CDC73: variants seen among roughly 807,000 people sequenced by gnomAD.
CDC73 encodes cell division cycle 73.
CDC73 carries 21 observed loss-of-function variants against 83.7 expected under a neutral mutation model. The observed-to-expected ratio is 0.25, with a 90% CI of 0.18 to 0.36. CDC73 has a LOEUF of 0.36. Ranked by LOEUF, CDC73 falls within the 10% of genes least tolerant of loss-of-function variation. The probability of loss-of-function intolerance (pLI) is 1.00; values close to 1 mark genes in which losing one functional copy is unlikely to be tolerated. For missense variants in CDC73, 342 were observed against 653.3 expected, an observed-to-expected ratio of 0.52 and a Z score of 5.19; for synonymous variants, 224 against 212.9, an observed-to-expected ratio of 1.05 and a Z score of -0.45.
At chr1:193,229,481 T>C (rs1046475585) in intron 13 of CDC73, among the ~76,000 whole-genome samples, 1 of 152,228 alleles carries the variant, frequency 6.6e-6, no homozygotes, top group African/African-American at 2.4e-5. Context: ...CCTTCTGTGA[T>C]AGGAGGACGC....
intron 10 of CDC73, 108 bp from the exon 11 acceptor site, chr1:193,203,687 G>A: frequency 2.1e-6 from 2 of 940,414 alleles, no homozygotes; most frequent in South Asian, 1.4e-5. Context: ...AACTGAGTGA[G>A]AAAAACAGAA....
At chr1:193,220,543 G>T (rs1677451818) in intron 13 of CDC73, among the ~76,000 whole-genome samples, 1 of 152,128 alleles carries the variant, frequency 6.6e-6, no homozygotes, top group Admixed American at 6.5e-5. Flanking sequence ...AATATATGTG[G>T]ATTTCAGGTT....
Position 193,157,817 on chromosome 1 carries a change from T to G in CDC73, c.972+5373T>G, listed in dbSNP as rs547807304. On this transcript the variant is annotated intron_variant, in intron 10 of 16. Coordinates refer to ENST00000367435, the MANE Select transcript of CDC73 (RefSeq NM_024529.5). ...TTTGAAGTCAGTGCTGGCTTTGATT[T>G]TCAGTTCTACCATTCATTCTCCTGC... Among the ~76,000 whole-genome samples, 3 of 152,288 alleles carry G rather than the reference T, an allele frequency of 2.0e-5. No homozygotes were observed. In the South Asian group the frequency reaches 6.2e-4, roughly 32 times the overall value.
intron 11 of CDC73, among the ~76,000 whole-genome samples, chr1:193,210,457 TTA>T (rs1677260175): frequency 6.6e-6 from 1 of 152,236 alleles, no homozygotes; most frequent in African/African-American, 2.4e-5. Flanking sequence ...GCACATTGAG[TTA>T]TTGTATGGTC....
At chr1:193,204,280 TA>T (rs1163412162) in intron 11 of CDC73, among the ~76,000 whole-genome samples, 2 of 140,132 alleles carry the variant, frequency 1.4e-5, no homozygotes, top group African/African-American at 5.3e-5. Context: ...TGTGTGTGTA[TA>T]TATATATTTT....
chr1:193,204,435 G>A (rs1057035982), intron 11 of CDC73, among the ~76,000 whole-genome samples: 3 of 150,942 alleles, frequency 2.0e-5, no homozygotes, highest in African/African-American at 7.3e-5. Flanking sequence ...GACTACAGGC[G>A]CCTGCCACCA....
At chr1:193,214,073 T>A (rs1677320652) in intron 13 of CDC73, among the ~76,000 whole-genome samples, 1 of 152,210 alleles carries the variant, frequency 6.6e-6, no homozygotes, top group South Asian at 2.1e-4. Flanking sequence ...ATGTGACTCT[T>A]CTGTGGCTCT....
intron 15 of CDC73, chr1:193,237,063 C>G (rs1331248158): frequency 6.6e-6 from 1 of 151,330 alleles, no homozygotes; most frequent in Non-Finnish European, 1.5e-5. Flanking sequence ...CCTGCCTCAA[C>G]CTCCTGAGTA....
intron 15 of CDC73, among the ~76,000 whole-genome samples, chr1:193,238,689 C>A (rs1020427170): frequency 1.3e-5 from 2 of 152,020 alleles, no homozygotes; most frequent in Non-Finnish European, 2.9e-5. Context: ...CATAAACAGT[C>A]GATTAACAAA....
At chr1:193,136,225 T>A (rs1675797597) in intron 5 of CDC73, among the ~76,000 whole-genome samples, 1 of 152,210 alleles carries the variant, frequency 6.6e-6, no homozygotes, top group Non-Finnish European at 1.5e-5. Flanking sequence ...CAGATGTGGC[T>A]ATGTTTCTAT....
chr1:193,160,593 T>C (rs1676291458), intron 10 of CDC73, among the ~76,000 whole-genome samples: 4 of 152,038 alleles, frequency 2.6e-5, no homozygotes, highest in Admixed American at 6.5e-5. Flanking sequence ...TCAGTGTAAC[T>C]TTAATTCAAT....
Position 193,253,165 on chromosome 1 carries a change from C to T in CDC73, c.*2453C>T, listed in dbSNP as rs1242933551. The T allele has an allele frequency of 4.3e-6, 1 of 232,284 alleles. No homozygotes were observed. The highest frequency in any genetic ancestry group is 8.5e-6 in the Non-Finnish European group (1 of 117,498). The allele number at this position is 232,284 out of a possible 1,614,324, so 14.4% of individuals were successfully genotyped here. On this transcript the variant is annotated 3_prime_UTR_variant, in exon 17 of 17. Transcript: ENST00000367435. The stretch of plus-strand genomic sequence containing the variant: ...GTAGGTTTCAATCAGTTGCTCTCAA[C>T]CCTGACTGCATTTTAGAATCATTTG...
At chr1:193,143,832 G>A (rs1675947364) in intron 7 of CDC73, among the ~76,000 whole-genome samples, 1 of 152,066 alleles carries the variant, frequency 6.6e-6, no homozygotes, top group African/African-American at 2.4e-5. Flanking sequence ...ATGAGAGGCT[G>A]GGTGCAGCGG....
intron 3 of CDC73, among the ~76,000 whole-genome samples, chr1:193,131,170 C>T (rs913264075): frequency 6.6e-6 from 1 of 152,078 alleles, no homozygotes; most frequent in African/African-American, 2.4e-5. Context: ...TGAAATTTAA[C>T]ACTGAAAATG....
intron 10 of CDC73, among the ~76,000 whole-genome samples, chr1:193,198,976 A>C (rs1677045627): frequency 6.6e-6 from 1 of 152,180 alleles, no homozygotes; most frequent in Admixed American, 6.5e-5. Context: ...ACTTCTCTGG[A>C]GAGAGTTTCT....
At chr1:193,162,441 C>T (rs1676355982) in intron 10 of CDC73, among the ~76,000 whole-genome samples, 1 of 148,968 alleles carries the variant, frequency 6.7e-6, no homozygotes, top group Non-Finnish European at 1.5e-5. Context: ...GGCATGATCT[C>T]AGCTCACTGC....
chr1:193,124,585 A>G (rs374566165), intron 1 of CDC73, among the ~76,000 whole-genome samples: 2 of 152,182 alleles, frequency 1.3e-5, no homozygotes, highest in East Asian at 1.9e-4. Flanking sequence ...TCACAGGTAG[A>G]ATAGCATTTT....
At chr1:193,178,128 T>A (rs1027818286) in intron 10 of CDC73, among the ~76,000 whole-genome samples, 1 of 152,170 alleles carries the variant, frequency 6.6e-6, no homozygotes, top group Non-Finnish European at 1.5e-5. Flanking sequence ...GAAAACGACT[T>A]GAGTATTGTT....
At chr1:193,191,166 G>C (rs1483374188) in intron 10 of CDC73, among the ~76,000 whole-genome samples, 1 of 152,174 alleles carries the variant, frequency 6.6e-6, no homozygotes, top group African/African-American at 2.4e-5. Flanking sequence ...AGTGAGGGAA[G>C]CTTGTACTTT....
Sources: allele counts gnomAD v4.1 joint callset (sites outside exome capture counted in the v4.1 genomes callset), GRCh38; gene constraint gnomAD v4.1.1; transcripts MANE v1.5; gene names NCBI Gene and HGNC (gene_info 2026-07-23, HGNC 2026-07-21).